The following AFAP1 variants were observed in gnomAD, a reference collection of about 807,000 sequenced individuals.
AFAP1 encodes the protein actin filament associated protein 1, also known as actin filament-associated protein 1.
In AFAP1, 75 loss-of-function variants were observed where a neutral mutation model predicts 93.9. That is an observed-to-expected ratio of 0.80 (90% CI 0.66 to 0.97). The LOEUF (loss-of-function observed/expected upper bound fraction) is 0.97. Among genes scored for constraint, AFAP1 ranks in the 50% least tolerant of loss-of-function variants. The pLI is 0.00. For missense variants in AFAP1, 1,201 were observed against 1,050.8 expected (o/e 1.14, Z -1.98); for synonymous variants, 517 against 430.7 (o/e 1.20, Z -2.48).
chr4:7,791,842 C>CAAAAAAA (rs111676909), intron 11 of AFAP1, among the ~76,000 whole-genome samples: 2 of 140,522 alleles, frequency 1.4e-5, no homozygotes, highest in Non-Finnish European at 1.5e-5. Context: ...AACCCTTAAT[C>CAAAAAAA]AAAAAAAAAC....
chr4:7,844,202 AG>A (rs1246727592), intron 4 of AFAP1, among the ~76,000 whole-genome samples: 1 of 152,130 alleles, frequency 6.6e-6, no homozygotes, highest in African/African-American at 2.4e-5. Context: ...ATGTAGAGAT[AG>A]GACTTTTAGG....
At chr4:7,840,449 G>A (rs1712879246) in intron 5 of AFAP1, among the ~76,000 whole-genome samples, 2 of 152,072 alleles carry the variant, frequency 1.3e-5, no homozygotes, top group African/African-American at 4.8e-5. Flanking sequence ...GAGTAACTGG[G>A]AGTACAGGCG....
At chr4:7,904,784 G>A (rs946083736) in intron 1 of AFAP1, among the ~76,000 whole-genome samples, 1 of 152,172 alleles carries the variant, frequency 6.6e-6, no homozygotes, top group African/African-American at 2.4e-5. Context: ...ATGGTTCACT[G>A]CAGCCTTGAC....
chr4:7,846,371 C>T (rs993516023), intron 4 of AFAP1, among the ~76,000 whole-genome samples: 4 of 152,102 alleles, frequency 2.6e-5, no homozygotes, highest in Non-Finnish European at 4.4e-5. Context: ...TGGAAGGAAA[C>T]GATGGAATAT....
chr4:7,933,618 G>C (rs1055730321), intron 1 of AFAP1, among the ~76,000 whole-genome samples: 7 of 152,178 alleles, frequency 4.6e-5, no homozygotes, highest in Admixed American at 2.6e-4. Flanking sequence ...TCTGAGTGAA[G>C]AAGAGAAATG....
intron 1 of AFAP1, among the ~76,000 whole-genome samples, chr4:7,874,420 G>C (rs186110686): frequency 7.3e-6 from 1 of 137,530 alleles, no homozygotes; most frequent in East Asian, 2.2e-4. Flanking sequence ...CTGGAGTGCA[G>C]TGGTGCAATC....
intron 10 of AFAP1, among the ~76,000 whole-genome samples, chr4:7,797,448 G>A (rs960494857): frequency 6.6e-6 from 1 of 152,172 alleles, no homozygotes; most frequent in Admixed American, 6.5e-5. Flanking sequence ...CTGATGTAAC[G>A]CAGCATGAAA....
chr4:7,807,924 C>T (rs575054113), intron 9 of AFAP1, among the ~76,000 whole-genome samples: 1 of 152,214 alleles, frequency 6.6e-6, no homozygotes, highest in Non-Finnish European at 1.5e-5. Flanking sequence ...GTGGCATGAG[C>T]CCACACCGCT....
At chr4:7,787,411 G>T (rs147278366) in intron 11 of AFAP1, among the ~76,000 whole-genome samples, 16 of 152,320 alleles carry the variant, frequency 1.1e-4, no homozygotes, top group Non-Finnish European at 2.2e-4. Flanking sequence ...TGGAGGGGAG[G>T]GGTCGTGGGA....
chr4:7,923,898 G>C (rs539344488), intron 1 of AFAP1, among the ~76,000 whole-genome samples: 4 of 152,316 alleles, frequency 2.6e-5, no homozygotes, highest in East Asian at 3.9e-4. Context: ...TCCAGTACGA[G>C]AATCTGGGGG....
intron 1 of AFAP1, among the ~76,000 whole-genome samples, chr4:7,906,161 C>T (rs1719389267): frequency 6.6e-6 from 1 of 152,134 alleles, no homozygotes; most frequent in Admixed American, 6.5e-5. Flanking sequence ...AGTGACCTAT[C>T]GAGAAAGAAA....
intron 1 of AFAP1, among the ~76,000 whole-genome samples, chr4:7,897,527 T>G (rs147337522): frequency 7.6e-6 from 1 of 131,416 alleles, no homozygotes; most frequent in African/African-American, 2.5e-5. Flanking sequence ...TGTTTGTTTG[T>G]TTTTGTGGTT....
chr4:7,797,146 G>C (rs1320532116), intron 10 of AFAP1, among the ~76,000 whole-genome samples: 1 of 152,090 alleles, frequency 6.6e-6, no homozygotes, highest in African/African-American at 2.4e-5. Context: ...TGGGAATAAA[G>C]GAAAATGGTC....
At chr4:7,836,312 C>T (rs903467734) in intron 6 of AFAP1, among the ~76,000 whole-genome samples, 5 of 152,184 alleles carry the variant, frequency 3.3e-5, no homozygotes, top group Non-Finnish European at 7.3e-5. Flanking sequence ...AAGCCAGCCA[C>T]GAAAGCCCAA....
intron 1 of AFAP1, among the ~76,000 whole-genome samples, chr4:7,928,087 C>T (rs1488115695): frequency 6.6e-6 from 1 of 152,192 alleles, no homozygotes; most frequent in African/African-American, 2.4e-5. Context: ...TAGGCAAGAA[C>T]ATGGACCCAG....
At chr4:7,864,166 C>CATTCCCAACCTCCCATCACA (rs1560207915) in intron 3 of AFAP1, among the ~76,000 whole-genome samples, 1 of 151,980 alleles carries the variant, frequency 6.6e-6, no homozygotes, top group Non-Finnish European at 1.5e-5. Context: ...CATCACAACC[C>CATTCCCAACCTCCCATCACA]ACAGGTCCTT....
At chr4:7,927,822 G>C (rs530330548) in intron 1 of AFAP1, among the ~76,000 whole-genome samples, 2 of 152,120 alleles carry the variant, frequency 1.3e-5, no homozygotes, top group African/African-American at 4.8e-5. Flanking sequence ...ATATATTCTT[G>C]TATCATCTGA....
At chr4:7,837,991 G>T (rs1457999872) in intron 6 of AFAP1, among the ~76,000 whole-genome samples, 1 of 152,196 alleles carries the variant, frequency 6.6e-6, no homozygotes. Context: ...TCCAGCCTGG[G>T]CAACAGAGCC....
chr4:7,840,817 G>C (rs2149110458), intron 5 of AFAP1, among the ~76,000 whole-genome samples: 1 of 152,290 alleles, frequency 6.6e-6, no homozygotes, highest in Admixed American at 6.5e-5. Flanking sequence ...TACAATGGAA[G>C]GAATCGGAAA....
Sources: allele counts gnomAD v4.1 joint callset (sites outside exome capture counted in the v4.1 genomes callset), GRCh38; gene constraint gnomAD v4.1.1; transcripts MANE v1.5; gene names NCBI Gene and HGNC (gene_info 2026-07-23, HGNC 2026-07-21).